The following ERP44 variants were observed in gnomAD, a reference collection of about 807,000 sequenced individuals.
ERP44 encodes the protein endoplasmic reticulum protein 44, also known as endoplasmic reticulum resident protein 44.
A neutral mutation model predicts 53.4 loss-of-function variants in ERP44; 25 were observed. That is an observed-to-expected ratio of 0.47 (90% CI 0.34 to 0.65). The LOEUF (loss-of-function observed/expected upper bound fraction) is 0.65, where lower values mean the gene tolerates loss of function less well. Ranked by LOEUF, ERP44 falls within the 30% of genes least tolerant of loss-of-function variation. The pLI, the probability that ERP44 is intolerant of heterozygous loss-of-function variation, is 0.01. For missense variants in ERP44, 338 were observed against 493.2 expected (o/e 0.69, Z 2.98); for synonymous variants, 145 against 161.2 (o/e 0.90, Z 0.76).
intron 3 of ERP44, among the ~76,000 whole-genome samples, chr9:100,057,542 C>A (rs1013659489): frequency 6.6e-6 from 1 of 152,122 alleles, no homozygotes; most frequent in African/African-American, 2.4e-5. Context: ...TACGGAATTG[C>A]AATATGTGTT....
rs1830157919 is a variant in ERP44 at position 99,982,472 on chromosome 9, G to GA, written c.*139dup. 1 of 375,246 alleles carries GA rather than the reference G, an allele frequency of 2.7e-6. No individual in the cohort carries two copies. The highest frequency in any genetic ancestry group is 4.0e-5 in the East Asian group (1 of 24,702). The allele number at this position is 375,246 out of a possible 1,614,324, so 23.2% of individuals were successfully genotyped here. ...ATGACAATGCATTTTGAGTCGGGGA[G>GA]AAAAAAATTAAAAACCCAAAATTTC... On this transcript the variant is annotated 3_prime_UTR_variant, in exon 12 of 12. Transcript: ENST00000262455.
intron 1 of ERP44, among the ~76,000 whole-genome samples, chr9:100,070,109 T>C (rs1185163343): frequency 1.3e-5 from 2 of 152,218 alleles, no homozygotes; most frequent in African/African-American, 2.4e-5. Context: ...TAACAAAGCA[T>C]GGGAATTGGA....
intron 11 of ERP44, among the ~76,000 whole-genome samples, chr9:99,983,460 G>A (rs1416589988): frequency 6.6e-6 from 1 of 150,926 alleles, no homozygotes; most frequent in South Asian, 2.1e-4. Flanking sequence ...CAGGAGAATG[G>A]CGTGAACCCG....
At chr9:100,017,017 TTTAGAAGAAAATGTGGATAGTGAAA>T in intron 7 of ERP44, among the ~76,000 whole-genome samples, 1 of 152,318 alleles carries the variant, frequency 6.6e-6, no homozygotes, top group South Asian at 2.1e-4. Flanking sequence ...AATTTCTTCT[TTTAGAAGAAAATGTGGATAGTGAAA>T]AAGCCTTGAA....
chr9:99,993,626 C>T (rs1228381511), intron 10 of ERP44, among the ~76,000 whole-genome samples: 1 of 152,118 alleles, frequency 6.6e-6, no homozygotes, highest in Admixed American at 6.5e-5. Flanking sequence ...GCTCAAACAC[C>T]AAAAGCAATG....
intron 1 of ERP44, among the ~76,000 whole-genome samples, chr9:100,068,386 G>A (rs1292767492): frequency 1.1e-4 from 14 of 122,716 alleles, no homozygotes; most frequent in South Asian, 3.4e-4. Flanking sequence ...GAGGTGGGGG[G>A]GTCAGCCCCC....
At chr9:100,071,290 G>C (rs774161201) in intron 1 of ERP44, among the ~76,000 whole-genome samples, 6 of 151,770 alleles carry the variant, frequency 4.0e-5, no homozygotes, top group Non-Finnish European at 7.4e-5. Context: ...CCTTTTACTA[G>C]CTGTTGCTAT....
intron 4 of ERP44, among the ~76,000 whole-genome samples, chr9:100,029,746 T>TGC (rs1205981847): frequency 9.4e-4 from 143 of 152,242 alleles, no homozygotes; most frequent in African/African-American, 3.4e-3. Context: ...CTATTTACAA[T>TGC]AGTCAAAATA....
At chr9:100,024,021 G>A (rs990473685) in intron 4 of ERP44, among the ~76,000 whole-genome samples, 13 of 152,108 alleles carry the variant, frequency 8.5e-5, no homozygotes, top group Non-Finnish European at 1.5e-4. Context: ...CAGGCATGGT[G>A]GCACATGCCT....
intron 4 of ERP44, among the ~76,000 whole-genome samples, chr9:100,031,561 C>T (rs191509946): frequency 1.2e-4 from 19 of 152,268 alleles, no homozygotes; most frequent in African/African-American, 2.4e-4. Flanking sequence ...TCCCTCTCCA[C>T]GAACCATCTT....
chr9:100,046,840 A>C (rs1010985099), intron 4 of ERP44, among the ~76,000 whole-genome samples: 1 of 152,188 alleles, frequency 6.6e-6, no homozygotes, highest in Non-Finnish European at 1.5e-5. Flanking sequence ...AAAAAGTACA[A>C]AGTTGAAAGC....
intron 4 of ERP44, among the ~76,000 whole-genome samples, chr9:100,032,870 A>G (rs1825806845): frequency 6.6e-6 from 1 of 152,230 alleles, no homozygotes; most frequent in Non-Finnish European, 1.5e-5. Flanking sequence ...ACTCATGGAG[A>G]GCTGAAATGT....
At chr9:100,032,779 A>G (rs559085278) in intron 4 of ERP44, among the ~76,000 whole-genome samples, 1 of 152,244 alleles carries the variant, frequency 6.6e-6, no homozygotes, top group Non-Finnish European at 1.5e-5. Context: ...TTTATAATCA[A>G]CTCTAGAACT....
intron 3 of ERP44, among the ~76,000 whole-genome samples, chr9:100,056,918 G>A (rs890894104): frequency 6.6e-6 from 1 of 152,076 alleles, no homozygotes; most frequent in Admixed American, 6.5e-5. Context: ...CAAAGGTAAT[G>A]GAAACATTTT....
chr9:100,074,380 T>A (rs1487272509), intron 1 of ERP44, among the ~76,000 whole-genome samples: 1 of 152,178 alleles, frequency 6.6e-6, no homozygotes, highest in Admixed American at 6.5e-5. Flanking sequence ...CATGTAGAGC[T>A]CTAGCATTGG....
rs571291565 is a variant in ERP44, at chr9:100,069,152, G to A, written c.58-8980C>T. Among the ~76,000 whole-genome samples, 539 of 152,000 alleles carry A rather than the reference G, an allele frequency of 3.5e-3. 3 individuals are homozygous for A. The highest frequency in any genetic ancestry group is 0.012 in the African/African-American group (502 of 41,440). On this transcript the variant is annotated intron_variant, in intron 1 of 11. Coordinates refer to ENST00000262455, the MANE Select transcript of ERP44 (RefSeq NM_015051.3). ...TCATGTACCCAGGGACACAAACACT[G>A]CGGAAGGCCGCAGGGTCCTCTGCCT... is the stretch of plus-strand genomic sequence containing the variant.
At chr9:100,026,075 A>G (rs1473337037) in intron 4 of ERP44, among the ~76,000 whole-genome samples, 1 of 152,228 alleles carries the variant, frequency 6.6e-6, no homozygotes, top group African/African-American at 2.4e-5. Flanking sequence ...TTTCTTTCTT[A>G]TAGGTTTCCT....
intron 10 of ERP44, among the ~76,000 whole-genome samples, chr9:99,991,109 A>C (rs1830249320): frequency 6.6e-6 from 1 of 152,196 alleles, no homozygotes; most frequent in Non-Finnish European, 1.5e-5. Context: ...CAGATCAATG[A>C]GATACAAGGT....
chr9:100,092,520 C>A (rs1042629010), intron 1 of ERP44, among the ~76,000 whole-genome samples: 1 of 152,166 alleles, frequency 6.6e-6, no homozygotes. Context: ...ATGGAAGAGT[C>A]GGAACTTACA....
Sources: gnomAD v4.1 joint callset for allele counts (sites outside exome capture counted in the v4.1 genomes callset) on GRCh38, gnomAD v4.1.1 for gene constraint, MANE v1.5 for transcripts, NCBI Gene and HGNC (gene_info 2026-07-23, HGNC 2026-07-21) for gene names.